CAMK4: variants seen among roughly 807,000 people sequenced by gnomAD.
CAMK4 encodes calcium/calmodulin dependent protein kinase IV.
In CAMK4, 22 loss-of-function variants were observed where a neutral mutation model predicts 44.9. That is an observed-to-expected ratio of 0.49 (90% CI 0.35 to 0.70). CAMK4 has a LOEUF of 0.70. Ranked by LOEUF, CAMK4 falls within the 30% of genes least tolerant of loss-of-function variation. The pLI is 0.01. For missense variants in CAMK4, 498 were observed against 586.8 expected, an observed-to-expected ratio of 0.85 and a Z score of 1.56; for synonymous variants, 218 against 215.4, an observed-to-expected ratio of 1.01 and a Z score of -0.11.
At chr5:111,406,996 TAGG>T (rs1182988129) in intron 5 of CAMK4, among the ~76,000 whole-genome samples, 2 of 152,134 alleles carry the variant, frequency 1.3e-5, no homozygotes, top group African/African-American at 4.8e-5. Context: ...GGCTTTTAAG[TAGG>T]AGAATTAGAC....
At chr5:111,289,848 C>T (rs1182492404) in intron 1 of CAMK4, among the ~76,000 whole-genome samples, 1 of 152,232 alleles carries the variant, frequency 6.6e-6, no homozygotes, top group East Asian at 1.9e-4. Flanking sequence ...GAAATGCTAG[C>T]TCTCAGGGTT....
At chr5:111,360,742 CTT>C (rs1264369833) in intron 2 of CAMK4, among the ~76,000 whole-genome samples, 3 of 152,070 alleles carry the variant, frequency 2.0e-5, no homozygotes, top group African/African-American at 4.8e-5. Flanking sequence ...AGCTGACACA[CTT>C]TTGTTTATCT....
chr5:111,441,919 A>C (rs1753836160), intron 5 of CAMK4, among the ~76,000 whole-genome samples: 1 of 152,196 alleles, frequency 6.6e-6, no homozygotes, highest in African/African-American at 2.4e-5. Context: ...AATCTTTAGC[A>C]GCATGTTTTA....
chr5:111,465,524 C>G (rs1754795809), intron 7 of CAMK4, among the ~76,000 whole-genome samples: 1 of 152,016 alleles, frequency 6.6e-6, no homozygotes, highest in African/African-American at 2.4e-5. Context: ...ACAGGAGATA[C>G]TACAACCAAT....
intron 5 of CAMK4, among the ~76,000 whole-genome samples, chr5:111,414,092 A>G (rs1752726610): frequency 6.6e-6 from 1 of 152,108 alleles, no homozygotes; most frequent in Non-Finnish European, 1.5e-5. Flanking sequence ...ACTGCTCCCA[A>G]TTTTTACAAC....
In CAMK4 at chr5:111,344,113, T is replaced by G. The variant is rs1749764411; in HGVS notation, c.240+11T>G. On this transcript the variant is annotated intron_variant, in intron 2 of 10. Coordinates refer to ENST00000282356, the MANE Select transcript of CAMK4 (RefSeq NM_001744.6). The stretch of plus-strand genomic sequence containing the variant: ...GTGTTAAAGAAAACAGTAAGTTTAT[T>G]TCTTATATAATGGCATCTCTAAGGG... 2.0e-6 allele frequency: 3 copies of G among 1,526,444 alleles called. No individual in the cohort carries two copies. The highest frequency in any genetic ancestry group is 2.7e-6 in the Non-Finnish European group (3 of 1,102,308). 94.6% of individuals were successfully genotyped at this position (1,526,444 alleles called of 1,614,324 possible). A position where few individuals can be genotyped will look rare whatever the true frequency, so the allele number is the denominator to read the frequency against.
chr5:111,387,897 G>T (rs541605697), intron 4 of CAMK4, among the ~76,000 whole-genome samples: 1 of 152,286 alleles, frequency 6.6e-6, no homozygotes, highest in South Asian at 2.1e-4. Context: ...ATTTTCCTTT[G>T]CTTGGTCACT....
chr5:111,278,479 A>G (rs2112598003), intron 1 of CAMK4, among the ~76,000 whole-genome samples: 1 of 152,362 alleles, frequency 6.6e-6, no homozygotes, highest in Non-Finnish European at 1.5e-5. Flanking sequence ...AAAAGACAAC[A>G]TATATACTAC....
rs556701230 is a variant in CAMK4, at chr5:111,379,385, G to C, written c.386+2443G>C. ...TAAATTTCATTTGGAGAGATAAGTG[G>C]ATGAAATATTCATATTTAACAGAAA... On this transcript the variant is annotated intron_variant, in intron 4 of 10. Coordinates refer to ENST00000282356, the MANE Select transcript of CAMK4 (RefSeq NM_001744.6). Among the ~76,000 whole-genome samples, 6 of 152,236 alleles carry C rather than the reference G, an allele frequency of 3.9e-5. No homozygotes were observed. The South Asian group carries it at 1.2e-3, about 32-fold the overall frequency.
At chr5:111,311,491 GAAGAGAGTAAA>G (rs1321743382) in intron 1 of CAMK4, among the ~76,000 whole-genome samples, 1 of 152,190 alleles carries the variant, frequency 6.6e-6, no homozygotes, top group African/African-American at 2.4e-5. Flanking sequence ...GGTGGGTGCA[GAAGAGAGTAAA>G]AAGCCTATGT....
At chr5:111,260,294 A>G (rs754073957) in intron 1 of CAMK4, among the ~76,000 whole-genome samples, 8 of 152,160 alleles carry the variant, frequency 5.3e-5, no homozygotes, top group South Asian at 2.1e-4. Context: ...CAGTCCTTAC[A>G]TTAGTCAATA....
chr5:111,237,949 T>C (rs1410221111), intron 1 of CAMK4, among the ~76,000 whole-genome samples: 1 of 152,232 alleles, frequency 6.6e-6, no homozygotes, highest in African/African-American at 2.4e-5. Context: ...CCAAGTAGGG[T>C]TATTAACTTT....
chr5:111,429,332 G>T (rs950829489), intron 5 of CAMK4, among the ~76,000 whole-genome samples: 1 of 152,090 alleles, frequency 6.6e-6, no homozygotes, highest in African/African-American at 2.4e-5. Context: ...GAAATTCAAA[G>T]GTAATTAGTG....
At chr5:111,311,470 T>C (rs959365081) in intron 1 of CAMK4, among the ~76,000 whole-genome samples, 11 of 152,188 alleles carry the variant, frequency 7.2e-5, no homozygotes, top group Non-Finnish European at 1.6e-4. Context: ...CCATTCTCTC[T>C]TTAGAAGGAA....
intron 1 of CAMK4, among the ~76,000 whole-genome samples, chr5:111,279,260 T>A (rs373559364): frequency 6.6e-6 from 1 of 152,132 alleles, no homozygotes; most frequent in African/African-American, 2.4e-5. Context: ...AGGCCAAAGT[T>A]CAAAGGGACC....
In CAMK4 at chr5:111,433,275, C is replaced by T. The variant is rs985948648; in HGVS notation, c.460-13411C>T. 5.3e-5 allele frequency among the ~76,000 whole-genome samples: 8 copies of T among 152,298 alleles called. 1 individual carries two copies. The East Asian group carries it at 5.8e-4, about 11-fold the overall frequency. ...GCTTGATGACTGAGGAAGGAGTAAT[C>T]TAGAGTTGTATTCATTCACACATCT... On this transcript the variant is annotated intron_variant, in intron 5 of 10. Transcript: ENST00000282356.
Position 111,359,263 on chromosome 5 carries a change from C to CAATTTTTTGCTTTTGTTGCAGTTGCTTT in CAMK4, c.240+15161_240+15162insAATTTTTTGCTTTTGTTGCAGTTGCTTT, listed in dbSNP as rs1750505225. Among the ~76,000 whole-genome samples the CAATTTTTTGCTTTTGTTGCAGTTGCTTT allele has an allele frequency of 6.1e-4, 2 of 3,260 alleles. 1 individual carries two copies. Among genetic ancestry groups the CAATTTTTTGCTTTTGTTGCAGTTGCTTT allele is most frequent in the African/African-American group, 9.8e-4 (2 of 2,044 alleles). The allele number at this position is 3,260 out of a possible 152,430, so 2.1% of individuals were successfully genotyped here. A position where few individuals can be genotyped will look rare whatever the true frequency, so the allele number is the denominator to read the frequency against. ...TTTTGACTAATAGTAACCATTGTGA[C>CAATTTTTTGCTTTTGTTGCAGTTGCTTT]TGGTGTGAGATGGTATTTGATTGTG... On this transcript the variant is annotated intron_variant, in intron 2 of 10. Coordinates refer to ENST00000282356, the MANE Select transcript of CAMK4 (RefSeq NM_001744.6).
At chr5:111,402,441 C>A (rs1752262216) in intron 5 of CAMK4, among the ~76,000 whole-genome samples, 1 of 152,150 alleles carries the variant, frequency 6.6e-6, no homozygotes, top group Non-Finnish European at 1.5e-5. Flanking sequence ...AGAGAAGTAA[C>A]ACAAAAATAA....
chr5:111,379,321 T>C (rs1751329658), intron 4 of CAMK4, among the ~76,000 whole-genome samples: 1 of 152,138 alleles, frequency 6.6e-6, no homozygotes, highest in South Asian at 2.1e-4. Flanking sequence ...GAAATTTAAT[T>C]CAGCTATAGC....
Sources: allele counts gnomAD v4.1 joint callset (sites outside exome capture counted in the v4.1 genomes callset), GRCh38; gene constraint gnomAD v4.1.1; transcripts MANE v1.5; gene names NCBI Gene and HGNC (gene_info 2026-07-23, HGNC 2026-07-21).